The following HDAC9 variants were observed in gnomAD, a reference collection of about 807,000 sequenced individuals.
HDAC9 encodes histone deacetylase 9, also known as MEF-2 interacting transcription repressor (MITR) protein.
In HDAC9, 41 loss-of-function variants were observed where a neutral mutation model predicts 139.4. That is an observed-to-expected ratio of 0.29 (90% CI 0.23 to 0.38). HDAC9 has a LOEUF of 0.38. HDAC9 is among the 10% of genes least tolerant of loss of function. HDAC9 has a pLI of 1.00. For missense variants in HDAC9, 1,147 were observed against 1,297.0 expected, an observed-to-expected ratio of 0.88 and a Z score of 1.78; for synonymous variants, 517 against 476.2, an observed-to-expected ratio of 1.09 and a Z score of -1.12.
intron 24 of HDAC9, among the ~76,000 whole-genome samples, chr7:18,967,351 C>A (rs1297707010): frequency 6.6e-6 from 1 of 152,114 alleles, no homozygotes; most frequent in Non-Finnish European, 1.5e-5. Flanking sequence ...AATAATTCTT[C>A]TTTCTTGACT....
chr7:18,370,028 C>A (rs1444502279), intron 1 of HDAC9, among the ~76,000 whole-genome samples: 1 of 151,938 alleles, frequency 6.6e-6, no homozygotes, highest in African/African-American at 2.4e-5. Flanking sequence ...TTTTCCAGTT[C>A]TTTTTTTGTA....
At chr7:18,816,559 A>G (rs1794575502) in intron 17 of HDAC9, among the ~76,000 whole-genome samples, 1 of 152,228 alleles carries the variant, frequency 6.6e-6, no homozygotes, top group Non-Finnish European at 1.5e-5. Context: ...AATCGGAGCC[A>G]ATTGTTGCAC....
At chr7:18,283,191 C>T (rs1174500145) in intron 2 of HDAC9, among the ~76,000 whole-genome samples, 1 of 152,096 alleles carries the variant, frequency 6.6e-6, no homozygotes, top group Non-Finnish European at 1.5e-5. Context: ...CCTCAGGAAA[C>T]TTACAATCAT....
chr7:18,192,177 T>G (rs1246061282), intron 2 of HDAC9, among the ~76,000 whole-genome samples: 2 of 152,200 alleles, frequency 1.3e-5, no homozygotes, highest in African/African-American at 4.8e-5. Flanking sequence ...CAAGTGACGG[T>G]AAATACTATT....
intron 2 of HDAC9, among the ~76,000 whole-genome samples, chr7:18,183,523 C>T (rs1174524679): frequency 6.6e-6 from 1 of 152,160 alleles, no homozygotes; most frequent in Non-Finnish European, 1.5e-5. Context: ...CCTTGGATTC[C>T]ATTTTTTCAC....
In HDAC9 at chr7:18,358,195, A is replaced by C. The variant is rs571069217; in HGVS notation, c.-42+67680A>C. On this transcript the variant is annotated intron_variant, in intron 1 of 3. Transcript: ENST00000413509. ...AGAGAGATACTCCATCTCAAAAACAAAGCAAAACAAAACAACAACAAAGAA... is the reference window on the plus strand; with the variant it reads ...AGAGAGATACTCCATCTCAAAAACACAGCAAAACAAAACAACAACAAAGAA... Among the ~76,000 whole-genome samples, 174 of 152,280 alleles carry C rather than the reference A, an allele frequency of 1.1e-3. 1 individual carries two copies. Among genetic ancestry groups the C allele is most frequent in the Non-Finnish European group, 1.2e-4 (8 of 68,024 alleles).
At position 18,101,182 on chromosome 7, in the gene HDAC9, C is replaced by G. The variant is rs189881236; in HGVS notation, c.-97+13969C>G. Among the ~76,000 whole-genome samples the G allele has an allele frequency of 2.6e-5, 4 of 152,272 alleles. No homozygotes were observed. In the East Asian group the frequency reaches 7.7e-4, roughly 29 times the overall value. Reference sequence around the variant, plus strand: ...TATCTCTTCATATTTAGCTTTCCCCCCTCCAGTACTCTGGCCTGTGACATC... The same window carrying G: ...TATCTCTTCATATTTAGCTTTCCCCGCTCCAGTACTCTGGCCTGTGACATC... On this transcript the variant is annotated intron_variant, in intron 1 of 12. Transcript: ENST00000417496.
At chr7:18,282,788 C>T (rs972700078) in intron 2 of HDAC9, among the ~76,000 whole-genome samples, 5 of 151,964 alleles carry the variant, frequency 3.3e-5, no homozygotes, top group Admixed American at 2.0e-4. Flanking sequence ...CTCTATACAG[C>T]CAGTCACCTT....
chr7:18,842,538 T>A (rs1307635255), intron 21 of HDAC9, among the ~76,000 whole-genome samples: 1 of 152,106 alleles, frequency 6.6e-6, no homozygotes, highest in Non-Finnish European at 1.5e-5. Context: ...CTGTCCAGAT[T>A]CCATTCTCTA....
intron 1 of HDAC9, among the ~76,000 whole-genome samples, chr7:18,436,912 A>G (rs967839918): frequency 3.9e-5 from 6 of 152,352 alleles, no homozygotes; most frequent in Admixed American, 3.9e-4. Flanking sequence ...TAATAAATCT[A>G]ACAGATAGCA....
At chr7:18,990,987 G>C (rs189848753) in intron 25 of HDAC9, among the ~76,000 whole-genome samples, 198 of 152,366 alleles carry the variant, frequency 1.3e-3, no homozygotes, top group African/African-American at 4.5e-3. Context: ...AGATGGAAAT[G>C]CAGAAATCAC....
chr7:18,642,117 C>T (rs4141402), intron 8 of HDAC9, among the ~76,000 whole-genome samples: 36,629 of 151,932 alleles, frequency 0.24, 7,103 homozygotes, highest in African/African-American at 0.52. Flanking sequence ...TCTATGAAGA[C>T]GACATACCAG....
At chr7:18,930,731 C>T (rs946332887) in intron 22 of HDAC9, among the ~76,000 whole-genome samples, 48 of 152,298 alleles carry the variant, frequency 3.2e-4, no homozygotes, top group African/African-American at 1.2e-3. Context: ...AGTTCAGCTG[C>T]CTCAGTCTCT....
At chr7:18,492,203 A>T (rs1796422458), upstream of HDAC9, among the ~76,000 whole-genome samples, 1 of 151,906 alleles carries the variant, frequency 6.6e-6, no homozygotes, top group South Asian at 2.1e-4. Flanking sequence ...GAGATTTTAG[A>T]CCTAAGGGAT....
At chr7:18,748,842 A>G (rs111408574) in intron 13 of HDAC9, among the ~76,000 whole-genome samples, 163 bp from the exon 14 acceptor site, 1 of 152,196 alleles carries the variant, frequency 6.6e-6, no homozygotes, top group Admixed American at 6.5e-5. Context: ...ACAGGTCTCA[A>G]TAGTTCTTAT....
chr7:18,311,255 T>A (rs1478911448), intron 1 of HDAC9, among the ~76,000 whole-genome samples: 4 of 152,064 alleles, frequency 2.6e-5, no homozygotes, highest in African/African-American at 9.7e-5. Flanking sequence ...ACAAAAGCCT[T>A]TAACCTTTTG....
intron 1 of HDAC9, among the ~76,000 whole-genome samples, chr7:18,313,711 AC>A (rs1799463367): frequency 2.6e-5 from 4 of 152,226 alleles, no homozygotes; most frequent in Non-Finnish European, 1.5e-5. Context: ...TATTTTATAA[AC>A]CACTGGAATA....
chr7:18,516,609 C>T (rs1334620598), intron 2 of HDAC9, among the ~76,000 whole-genome samples: 1 of 152,046 alleles, frequency 6.6e-6, no homozygotes, highest in Non-Finnish European at 1.5e-5. Flanking sequence ...CCTGTAATCC[C>T]AGCACTTTGG....
intron 1 of HDAC9, among the ~76,000 whole-genome samples, chr7:18,336,372 C>T (rs898200168): frequency 1.3e-5 from 2 of 151,612 alleles, no homozygotes; most frequent in African/African-American, 4.8e-5. Flanking sequence ...ACCACTGACC[C>T]AAATGCAGTC....
Sources: gnomAD v4.1 joint callset for allele counts (sites outside exome capture counted in the v4.1 genomes callset) on GRCh38, gnomAD v4.1.1 for gene constraint, MANE v1.5 for transcripts, NCBI Gene and HGNC (gene_info 2026-07-23, HGNC 2026-07-21) for gene names.